Variants in IDO2 observed in about 807,000 individuals in gnomAD.
IDO2 encodes indoleamine 2,3-dioxygenase-like 1 protein.
A neutral mutation model predicts 45.1 loss-of-function variants in IDO2; 46 were observed. The observed-to-expected ratio is 1.02, with a 90% confidence interval of 0.80 to 1.30. The LOEUF is 1.30. Among genes scored for constraint, IDO2 ranks in the 50% most tolerant of loss-of-function variants. The pLI, the probability that IDO2 is intolerant of heterozygous loss-of-function variation, is 0.00. For synonymous variants in IDO2, 218 were observed against 184.9 expected (o/e 1.18, Z -1.45); for missense variants, 544 against 491.8 (o/e 1.11, Z -1.00).
At chr8:39,973,799 T>C (rs1215651509) in intron 3 of IDO2, among the ~76,000 whole-genome samples, 1 of 151,386 alleles carries the variant, frequency 6.6e-6, no homozygotes, top group Non-Finnish European at 1.5e-5. Context: ...TGGGGTGTAG[T>C]GGCACAATCT....
At chr8:39,977,821 G>A (rs1808284700) in intron 3 of IDO2, among the ~76,000 whole-genome samples, 1 of 152,066 alleles carries the variant, frequency 6.6e-6, no homozygotes, top group Non-Finnish European at 1.5e-5. Context: ...ATTTTTGTGG[G>A]CACATAGTCG....
At chr8:40,004,172 C>T (rs373936356) in intron 8 of IDO2, among the ~76,000 whole-genome samples, 19 of 152,286 alleles carry the variant, frequency 1.2e-4, no homozygotes, top group Admixed American at 3.3e-4. Flanking sequence ...AAAAATCTAG[C>T]GCATGGGGCA....
At chr8:39,961,114 T>C (rs1807990126) in intron 2 of IDO2, among the ~76,000 whole-genome samples, 1 of 152,134 alleles carries the variant, frequency 6.6e-6, no homozygotes, top group Admixed American at 6.6e-5. Flanking sequence ...GGTCATTCTA[T>C]TCAAGCTCAT....
intron 8 of IDO2, among the ~76,000 whole-genome samples, chr8:39,993,099 G>A (rs910478711): frequency 3.3e-5 from 5 of 152,220 alleles, no homozygotes; most frequent in African/African-American, 1.2e-4. Flanking sequence ...CCTGTCAACC[G>A]TGCGTGTCTG....
exon 11 of IDO2, chr8:40,015,462 G>T: frequency 6.2e-7 from 1 of 1,613,918 alleles, no homozygotes; most frequent in Non-Finnish European, 8.5e-7. Context: ...TGCAGCCAAG[G>T]CAAAGCATGG....
chr8:39,982,137 AT>A (rs1339992955), intron 4 of IDO2, among the ~76,000 whole-genome samples: 1 of 151,940 alleles, frequency 6.6e-6, no homozygotes, highest in Admixed American at 6.6e-5. Context: ...CAATAAATCT[AT>A]CTATCATCTG....
At chr8:39,963,542 A>C in intron 2 of IDO2, 66 bp from the exon 3 acceptor site, 1 of 859,004 alleles carries the variant, frequency 1.2e-6, no homozygotes, top group Non-Finnish European at 1.8e-6. Context: ...ATGTGAAAAT[A>C]GCTACTCTCG....
At chr8:39,987,882 C>T (rs749954682) in exon 7 of IDO2, 23 of 1,606,572 alleles carry the variant, frequency 1.4e-5, no homozygotes, top group Admixed American at 3.4e-5. Flanking sequence ...AACCTGGAGA[C>T]CATCATCTCA....
chr8:40,011,323 A>G (rs1364205246), intron 9 of IDO2, among the ~76,000 whole-genome samples: 3 of 152,242 alleles, frequency 2.0e-5, no homozygotes, highest in Admixed American at 6.5e-5. Context: ...GCAGTACTCA[A>G]GATGGGAAGG....
chr8:39,993,059 A>G (rs1801965982), intron 8 of IDO2, among the ~76,000 whole-genome samples: 1 of 152,064 alleles, frequency 6.6e-6, no homozygotes, highest in Non-Finnish European at 1.5e-5. Context: ...AAACATAACC[A>G]TATCTATGTC....
chr8:39,971,870 G>A lies in IDO2; in HGVS notation c.196-7197G>A, dbSNP rs60085337. On this transcript the variant is annotated intron_variant, in intron 3 of 10. Transcript: ENST00000502986. Reference sequence around the variant, plus strand: ...ATTGCCCAAGCTGGAGTGCAGTGGCGCAATCTTGGCTCACTGCAGGCTCTG... The same window carrying A: ...ATTGCCCAAGCTGGAGTGCAGTGGCACAATCTTGGCTCACTGCAGGCTCTG... Among the ~76,000 whole-genome samples, 196 of 151,992 alleles carry A rather than the reference G, an allele frequency of 1.3e-3. 1 individual carries two copies. The highest frequency in any genetic ancestry group is 4.3e-3 in the African/African-American group (180 of 41,444).
At chr8:39,975,349 A>C (rs1808244038) in intron 3 of IDO2, among the ~76,000 whole-genome samples, 1 of 152,018 alleles carries the variant, frequency 6.6e-6, no homozygotes, top group Admixed American at 6.6e-5. Flanking sequence ...GCCAAAAGAC[A>C]ATGAAAGCCA....
At chr8:39,945,182 G>A (rs1807711750) in intron 1 of IDO2, among the ~76,000 whole-genome samples, 1 of 152,258 alleles carries the variant, frequency 6.6e-6, no homozygotes, top group African/African-American at 2.4e-5. Context: ...ATTGCCTCTG[G>A]CTGGAAGCCA....
chr8:39,938,218 C>T (rs751669120), intron 1 of IDO2, among the ~76,000 whole-genome samples: 4 of 151,928 alleles, frequency 2.6e-5, no homozygotes, highest in African/African-American at 9.7e-5. Context: ...TGAGGTGGGA[C>T]AATCACTTAA....
chr8:39,988,014 G>C, intron 7 of IDO2, 44 bp downstream of exon 7: 1 of 1,146,628 alleles, frequency 8.7e-7, no homozygotes, highest in Non-Finnish European at 1.3e-6. Context: ...AAATGAGCTT[G>C]AGCTTTACTT....
rs535928053 is a variant in IDO2, at chr8:39,966,309, G to C, written c.195+2606G>C. Among the ~76,000 whole-genome samples the C allele has an allele frequency of 3.3e-5, 5 of 152,228 alleles. No homozygotes were observed. The South Asian group carries it at 1.0e-3, about 32-fold the overall frequency. ...CCCAAAGCCCTGGGATTACAGGCCT[G>C]AGCCACCATGCACGGCCTCTATCCC... On this transcript the variant is annotated intron_variant, in intron 3 of 10. Coordinates refer to ENST00000502986, the Ensembl canonical transcript of IDO2.
intron 1 of IDO2, among the ~76,000 whole-genome samples, chr8:39,936,327 A>C (rs1025910185): frequency 6.6e-6 from 1 of 152,172 alleles, no homozygotes; most frequent in Non-Finnish European, 1.5e-5. Context: ...TCATTGCAAA[A>C]TCTTGGAAAA....
chr8:39,962,843 A>C (rs1355280298), intron 2 of IDO2, among the ~76,000 whole-genome samples: 6 of 152,170 alleles, frequency 3.9e-5, no homozygotes, highest in Admixed American at 3.3e-4. Context: ...TGATTGGTTA[A>C]AAGGCATTAT....
chr8:40,010,805 C>T (rs895433980), intron 9 of IDO2, among the ~76,000 whole-genome samples: 12 of 152,118 alleles, frequency 7.9e-5, no homozygotes, highest in Non-Finnish European at 1.6e-4. Flanking sequence ...TTTGGGGACA[C>T]GGTCATATCA....
Sources: gnomAD v4.1 joint callset for allele counts (sites outside exome capture counted in the v4.1 genomes callset) on GRCh38, gnomAD v4.1.1 for gene constraint, MANE v1.5 for transcripts, NCBI Gene and HGNC (gene_info 2026-07-23, HGNC 2026-07-21) for gene names.